The following OSBPL10 variants were observed in gnomAD, a reference collection of about 807,000 sequenced individuals.
The protein encoded by OSBPL10 is oxysterol binding protein like 10, also known as oxysterol-binding protein-related protein 10.
Under a neutral mutation model 81.7 loss-of-function variants are expected in OSBPL10, and 49 were observed. The observed-to-expected ratio is 0.60, with a 90% confidence interval of 0.48 to 0.76. The LOEUF is 0.76. OSBPL10 is among the 30% of genes least tolerant of loss of function. The probability of loss-of-function intolerance (pLI) is 0.00; values close to 1 mark genes in which losing one functional copy is unlikely to be tolerated. For synonymous variants in OSBPL10, 419 were observed against 383.6 expected, an observed-to-expected ratio of 1.09 and a Z score of -1.08; for missense variants, 923 against 987.8, an observed-to-expected ratio of 0.93 and a Z score of 0.88.
Position 31,847,378 on chromosome 3 carries a change from G to A in OSBPL10, c.538-17147C>T, listed in dbSNP as rs944910768. ...ACCTGGCTGATTTTTGTACTTTGAC[G>A]GGGTTTCACCATGTTGGTCAGGCTG... is the stretch of plus-strand genomic sequence containing the variant. On this transcript the variant is annotated intron_variant, in intron 3 of 11. Coordinates refer to ENST00000396556, the MANE Select transcript of OSBPL10 (RefSeq NM_017784.5). Among the ~76,000 whole-genome samples, 23 of 152,060 alleles carry A rather than the reference G, an allele frequency of 1.5e-4. No homozygotes were observed. The South Asian group carries it at 1.9e-3, about 12-fold the overall frequency.
At chr3:31,980,793 A>G in intron 1 of OSBPL10, 106 bp downstream of exon 1, 1 of 1,327,060 alleles carries the variant, frequency 7.5e-7, no homozygotes, top group Admixed American at 3.3e-5. Flanking sequence ...CGCTGAAGGC[A>G]CAATCGCGCG....
chr3:31,817,926 A>C (rs1056283217), intron 4 of OSBPL10, among the ~76,000 whole-genome samples: 3 of 152,156 alleles, frequency 2.0e-5, no homozygotes, highest in Non-Finnish European at 4.4e-5. Flanking sequence ...TCAACCTTGC[A>C]AAACCATGTC....
rs55770286 is a variant in OSBPL10 at position 31,943,967 on chromosome 3, C to CAAAAAAAAAAAAA, written c.281+36919_281+36931dup. 7.8e-3 allele frequency among the ~76,000 whole-genome samples: 293 copies of CAAAAAAAAAAAAA among 37,798 alleles called. 22 individuals carry two copies. The highest frequency in any genetic ancestry group is 0.014 in the African/African-American group (106 of 7,618). 24.8% of individuals were successfully genotyped at this position (37,798 alleles called of 152,430 possible). ...TGGGCAACAGAGGAAGACTCCGTCTCAAAAAAAAAAAAAAAAAAAAAAAAA... is the reference window on the plus strand; with the variant it reads ...TGGGCAACAGAGGAAGACTCCGTCTCAAAAAAAAAAAAAAAAAAAAAAAAAAAAAAAAAAAAAA... On this transcript the variant is annotated intron_variant, in intron 1 of 11. Transcript: ENST00000396556.
intron 2 of OSBPL10, among the ~76,000 whole-genome samples, chr3:32,009,402 T>G (rs1457218096): frequency 6.6e-6 from 1 of 152,206 alleles, no homozygotes. Flanking sequence ...AGGCTTTGTC[T>G]CTCACTAGTT....
Position 31,702,520 on chromosome 3 carries a change from TAATC to T in OSBPL10, c.1096-16_1096-13del, listed in dbSNP as rs757221875. 4.6e-5 allele frequency: 75 copies of T among 1,613,678 alleles called. No individual in the cohort carries two copies. Among genetic ancestry groups the T allele is most frequent in the Non-Finnish European group, 6.1e-5 (72 of 1,179,922 alleles). On this transcript the variant is annotated splice_polypyrimidine_tract_variant and intron_variant, in intron 6 of 11. Coordinates refer to ENST00000396556, the MANE Select transcript of OSBPL10 (RefSeq NM_017784.5). Reference sequence around the variant, plus strand: ...GAGCCTGAGTTTGGCTAAAATGAAATAATCAATAAAAATCACCAGCTGGCCCAAT... The same window carrying T: ...GAGCCTGAGTTTGGCTAAAATGAAATAATAAAAATCACCAGCTGGCCCAAT...
At chr3:31,702,316 A>AC (rs1559423476) in intron 7 of OSBPL10, 43 bp downstream of exon 7, 2 of 1,603,192 alleles carry the variant, frequency 1.2e-6, no homozygotes, top group South Asian at 2.2e-5. Context: ...TAGAGACAGA[A>AC]CCCCAACAAC....
At position 31,683,910 on chromosome 3, in the gene OSBPL10, C is replaced by T; in HGVS notation, c.1450G>A (p.Gly484Ser). 6.2e-7 allele frequency: 1 copy of T among 1,614,260 alleles called. No homozygotes were observed. The highest frequency in any genetic ancestry group is 8.5e-7 in the Non-Finnish European group (1 of 1,180,046). The change falls in exon 8 of 12, where the codon GGC becomes AGC. Residue 484 changes from glycine to serine, a missense_variant. Around this residue, in one of 3 missense-constraint regions of OSBPL10, gnomAD observed 387 missense variants for 436.3 expected, o/e 0.89. Coordinates refer to ENST00000396556, the MANE Select transcript of OSBPL10 (RefSeq NM_017784.5). Reference protein sequence around the residue: ...LAKKPYNPIIGETFHCSWEVP... With the variant: ...LAKKPYNPIISETFHCSWEVP... ...TCCCAGGAGCAGTGAAATGTCTCGC[C>T]TATGATGGGGTTGTAGGGCTTCTTG...
chr3:32,017,770 T>A (rs1371269231), intron 2 of OSBPL10, among the ~76,000 whole-genome samples: 1 of 152,230 alleles, frequency 6.6e-6, no homozygotes, highest in Admixed American at 6.5e-5. Flanking sequence ...TTGAATTAGG[T>A]CACTTTTAAT....
intron 4 of OSBPL10, among the ~76,000 whole-genome samples, chr3:31,811,100 C>G (rs1035968954): frequency 7.9e-5 from 12 of 151,864 alleles, no homozygotes; most frequent in Non-Finnish European, 1.5e-5. Context: ...AGGAAAAAGG[C>G]GCCTTCTCCT....
chr3:31,966,595 A>G (rs999676905), intron 1 of OSBPL10, among the ~76,000 whole-genome samples: 1 of 152,094 alleles, frequency 6.6e-6, no homozygotes, highest in African/African-American at 2.4e-5. Context: ...CAGGGAGAAG[A>G]AAAAGGGGCC....
intron 4 of OSBPL10, among the ~76,000 whole-genome samples, chr3:31,812,831 A>G (rs566756105): frequency 7.9e-5 from 11 of 140,100 alleles, no homozygotes; most frequent in South Asian, 2.3e-4. Context: ...AAAGAAAGAA[A>G]GAAAGAAAGA....
At chr3:31,899,234 A>G (rs528899251) in intron 1 of OSBPL10, among the ~76,000 whole-genome samples, 1 of 152,174 alleles carries the variant, frequency 6.6e-6, no homozygotes, top group East Asian at 1.9e-4. Flanking sequence ...AAGCCACCAC[A>G]TCAGCCAACT....
chr3:31,814,194 A>G lies in OSBPL10; in HGVS notation c.729+15846T>C, dbSNP rs552361096. Reference sequence around the variant, plus strand: ...GAGGGCCAGGCATCCCAACAGTGACAGCTGACCAGTTGCCTTCCATGCTGA... The same window carrying G: ...GAGGGCCAGGCATCCCAACAGTGACGGCTGACCAGTTGCCTTCCATGCTGA... On this transcript the variant is annotated intron_variant, in intron 4 of 11. Transcript: ENST00000396556. 2.0e-5 allele frequency among the ~76,000 whole-genome samples: 3 copies of G among 152,358 alleles called. No individual in the cohort carries two copies. The South Asian group carries it at 6.2e-4, about 32-fold the overall frequency.
intron 4 of OSBPL10, among the ~76,000 whole-genome samples, chr3:31,754,198 C>A (rs1359200842): frequency 6.6e-6 from 1 of 152,118 alleles, no homozygotes; most frequent in Admixed American, 6.6e-5. Context: ...GGTCCTGAGC[C>A]CCTGGGGACA....
At chr3:31,924,789 T>C (rs534525413) in intron 1 of OSBPL10, among the ~76,000 whole-genome samples, 6 of 152,216 alleles carry the variant, frequency 3.9e-5, no homozygotes, top group East Asian at 1.9e-4. Context: ...ACACAATACA[T>C]AGATGAATAA....
chr3:31,910,085 G>A (rs184741302), intron 1 of OSBPL10, among the ~76,000 whole-genome samples: 207 of 150,314 alleles, frequency 1.4e-3, no homozygotes, highest in African/African-American at 4.6e-3. Flanking sequence ...GGGTTCAAGC[G>A]ATTCTTCTGC....
At chr3:31,694,429 A>G (rs1224165386) in intron 7 of OSBPL10, among the ~76,000 whole-genome samples, 2 of 149,678 alleles carry the variant, frequency 1.3e-5, no homozygotes, top group African/African-American at 4.9e-5. Flanking sequence ...TATTATCCAT[A>G]TATCTTATAT....
chr3:32,032,663 T>C (rs374264833), intron 2 of OSBPL10, among the ~76,000 whole-genome samples: 6 of 152,294 alleles, frequency 3.9e-5, no homozygotes, highest in African/African-American at 1.4e-4. Context: ...GAAACAAGAA[T>C]ATGAGAATTA....
intron 4 of OSBPL10, among the ~76,000 whole-genome samples, chr3:31,757,459 C>T (rs1458039683): frequency 2.6e-5 from 4 of 152,178 alleles, no homozygotes; most frequent in African/African-American, 9.6e-5. Context: ...ATCCTTTTCT[C>T]ATGGTGCTCA....
Sources: gnomAD v4.1 joint callset for allele counts (sites outside exome capture counted in the v4.1 genomes callset) on GRCh38, gnomAD v4.1.1 for gene constraint, gnomAD v4.1.1 regional missense constraint, MANE v1.5 for transcripts, NCBI Gene and HGNC (gene_info 2026-07-23, HGNC 2026-07-21) for gene names.